EVA1C: variants seen among roughly 807,000 people sequenced by gnomAD.
The protein encoded by EVA1C is eva-1 homolog C, also known as protein eva-1 homolog C.
In EVA1C, 25 loss-of-function variants were observed where a neutral mutation model predicts 45.4. The observed-to-expected ratio is 0.55, with a 90% CI of 0.40 to 0.77. The LOEUF is 0.77. EVA1C is among the 30% of genes least tolerant of loss of function. The pLI is 0.00. For missense variants in EVA1C, 479 were observed against 554.8 expected (o/e 0.86, Z 1.37); for synonymous variants, 190 against 221.2 (o/e 0.86, Z 1.25).
chr21:32,481,311 T>C (rs1212107915), intron 4 of EVA1C, among the ~76,000 whole-genome samples: 2 of 152,158 alleles, frequency 1.3e-5, no homozygotes, highest in East Asian at 1.9e-4. Flanking sequence ...TAAGGTTTTT[T>C]CTACTTAGGG....
intron 1 of EVA1C, among the ~76,000 whole-genome samples, chr21:32,449,653 GCT>G (rs1012781563): frequency 1.1e-4 from 16 of 145,926 alleles, no homozygotes; most frequent in Non-Finnish European, 1.6e-4. Flanking sequence ...ATGGGGTTTT[GCT>G]CTGTTTCCCC....
At position 32,417,683 on chromosome 21, in the gene EVA1C, C is replaced by T. The variant is rs115623122; in HGVS notation, c.160+4670C>T. On this transcript the variant is annotated intron_variant, in intron 1 of 7. Transcript: ENST00000300255. ...AGAAATATGGTAATTCAATTGATCC[C>T]GGGGGCCTTGAGGTGGGAACTCAGT... Among the ~76,000 whole-genome samples the T allele has an allele frequency of 6.4e-3, 973 of 152,166 alleles. 8 individuals are homozygous for T. Among genetic ancestry groups the T allele is most frequent in the African/African-American group, 0.022 (919 of 41,502 alleles).
intron 4 of EVA1C, among the ~76,000 whole-genome samples, chr21:32,470,567 T>C (rs2036333431): frequency 6.6e-6 from 1 of 152,102 alleles, no homozygotes; most frequent in Non-Finnish European, 1.5e-5. Context: ...CTGAACCCCA[T>C]CTTCCCTCTC....
intron 5 of EVA1C, chr21:32,497,107 T>G (rs1380846898): frequency 4.6e-6 from 4 of 863,758 alleles, no homozygotes; most frequent in Non-Finnish European, 8.0e-6. Flanking sequence ...TGGGCTTCAT[T>G]AGAAAGCTGT....
chr21:32,511,273 G>A (rs1253203513), intron 7 of EVA1C, among the ~76,000 whole-genome samples: 1 of 151,676 alleles, frequency 6.6e-6, no homozygotes, highest in African/African-American at 2.4e-5. Flanking sequence ...AAATTAGCTG[G>A]TGTGATGGCA....
rs58017017 is a variant in EVA1C at position 32,510,043 on chromosome 21, CTTTTTTTTTTTTTTT to C, written c.950-4764_950-4750del. On this transcript the variant is annotated intron_variant, in intron 7 of 7. Transcript: ENST00000300255. The stretch of plus-strand genomic sequence containing the variant: ...AAAGTAATTGCGATTTCCGACATTC[CTTTTTTTTTTTTTTT>C]TTTTTTGAAACAGAGTCTTTCTTGG... 4.4e-5 allele frequency among the ~76,000 whole-genome samples: 5 copies of C among 114,532 alleles called. No individual in the cohort carries two copies. In the East Asian group the frequency reaches 1.1e-3, roughly 26 times the overall value. 75.1% of individuals were successfully genotyped at this position (114,532 alleles called of 152,430 possible). A position where few individuals can be genotyped will look rare whatever the true frequency, so the allele number is the denominator to read the frequency against.
chr21:32,497,663 A>G (rs2037396532), intron 5 of EVA1C, among the ~76,000 whole-genome samples: 1 of 152,086 alleles, frequency 6.6e-6, no homozygotes, highest in South Asian at 2.1e-4. Context: ...GTATTAGTCC[A>G]TTTTCACACT....
At chr21:32,504,218 C>G (rs528746566) in intron 7 of EVA1C, among the ~76,000 whole-genome samples, 1 of 152,334 alleles carries the variant, frequency 6.6e-6, no homozygotes, top group East Asian at 1.9e-4. Flanking sequence ...AAGAGAACCA[C>G]ATAAACAGAC....
chr21:32,447,570 C>G (rs1373809484), intron 1 of EVA1C, among the ~76,000 whole-genome samples: 1 of 151,700 alleles, frequency 6.6e-6, no homozygotes, highest in Non-Finnish European at 1.5e-5. Flanking sequence ...TCTGCCAAGT[C>G]CCTTTTACCA....
chr21:32,483,147 C>A (rs961383426), intron 4 of EVA1C, among the ~76,000 whole-genome samples: 1 of 152,130 alleles, frequency 6.6e-6, no homozygotes, highest in African/African-American at 2.4e-5. Flanking sequence ...GGATGAGCCA[C>A]CACGCCCGGC....
chr21:32,442,012 A>G (rs1487738164), intron 1 of EVA1C, among the ~76,000 whole-genome samples: 1 of 152,162 alleles, frequency 6.6e-6, no homozygotes, highest in Non-Finnish European at 1.5e-5. Context: ...TCAAGTGGCA[A>G]ACATCATTTC....
intron 1 of EVA1C, among the ~76,000 whole-genome samples, chr21:32,430,966 T>G (rs2034676756): frequency 2.8e-5 from 1 of 36,356 alleles, no homozygotes; most frequent in Non-Finnish European, 4.2e-5. Context: ...GAGTGAGACT[T>G]GGTCTCAAAA....
intron 1 of EVA1C, among the ~76,000 whole-genome samples, chr21:32,433,622 C>G (rs1364128172): frequency 6.6e-6 from 1 of 152,234 alleles, no homozygotes; most frequent in Non-Finnish European, 1.5e-5. Flanking sequence ...TCACTGGTCT[C>G]TTCCTCATAC....
intron 2 of EVA1C, among the ~76,000 whole-genome samples, chr21:32,454,069 T>C (rs1568900668): frequency 6.6e-6 from 1 of 151,966 alleles, no homozygotes; most frequent in South Asian, 2.1e-4. Flanking sequence ...TCTCTACTAA[T>C]AATACAAAAA....
At chr21:32,440,565 G>A (rs960095454) in intron 1 of EVA1C, among the ~76,000 whole-genome samples, 1 of 152,126 alleles carries the variant, frequency 6.6e-6, no homozygotes, top group African/African-American at 2.4e-5. Context: ...CAAGACCAAC[G>A]CAGCACATTT....
chr21:32,456,135 G>T (rs1404692421), intron 2 of EVA1C, among the ~76,000 whole-genome samples: 1 of 152,120 alleles, frequency 6.6e-6, no homozygotes. Context: ...CAGGTGATCT[G>T]CCCGCTTCGG....
intron 1 of EVA1C, among the ~76,000 whole-genome samples, chr21:32,449,638 T>TTTC (rs2035503998): frequency 6.6e-6 from 1 of 151,990 alleles, no homozygotes; most frequent in East Asian, 1.9e-4. Flanking sequence ...TTTTTTTTTT[T>TTTC]TGAGATGGGG....
intron 4 of EVA1C, among the ~76,000 whole-genome samples, chr21:32,491,917 C>T (rs191330959): frequency 2.4e-4 from 36 of 152,044 alleles, no homozygotes; most frequent in Admixed American, 2.0e-3. Context: ...GAGTGGCCAG[C>T]GCTGAAGGCA....
chr21:32,453,459 C>A lies in EVA1C; in HGVS notation c.308C>A (p.Ala103Asp), dbSNP rs1015173178. Residue 103 changes from alanine (A) to aspartate (D), a missense_variant, in exon 2 of 8, where the codon GCC becomes GAC. Physicochemically the swap from Ala to Asp is moderately radical, Grantham distance 126 (BLOSUM62 -2). This residue lies in a region of EVA1C where 366 missense variants were observed against 426.1 expected (regional missense o/e 0.86). Transcript: ENST00000300255. ...DYQMCSSQKPASQREDSLTCV... is the reference protein window; with the variant it reads ...DYQMCSSQKPDSQREDSLTCV... ...CAAATGTGTAGTTCCCAGAAGCCTGCCTCCCAGAGGGAAGACAGCTTAACC... is the reference window on the plus strand; with the variant it reads ...CAAATGTGTAGTTCCCAGAAGCCTGACTCCCAGAGGGAAGACAGCTTAACC... The A allele has an allele frequency of 5.6e-6, 9 of 1,611,162 alleles. No individual in the cohort carries two copies. The highest frequency in any genetic ancestry group is 1.3e-5 in the African/African-American group (1 of 74,856).
Sources: gnomAD v4.1 joint callset for allele counts (sites outside exome capture counted in the v4.1 genomes callset) on GRCh38, gnomAD v4.1.1 for gene constraint, gnomAD v4.1.1 regional missense constraint, MANE v1.5 for transcripts, NCBI Gene and HGNC (gene_info 2026-07-23, HGNC 2026-07-21) for gene names.